Variants in SC5D observed in about 807,000 individuals in gnomAD.
SC5D encodes lathosterol oxidase.
In SC5D, 21 loss-of-function variants were observed where a neutral mutation model predicts 23.9. That is an observed-to-expected ratio of 0.88 (90% confidence interval 0.62 to 1.26). The LOEUF is 1.26. Ranked by LOEUF, SC5D falls within the 50% of genes most tolerant of loss-of-function variation. The probability of loss-of-function intolerance (pLI) is 0.00; values close to 1 mark genes in which losing one functional copy is unlikely to be tolerated. For missense variants in SC5D, 309 were observed against 364.8 expected, an observed-to-expected ratio of 0.85 and a Z score of 1.25; for synonymous variants, 113 against 125.9, an observed-to-expected ratio of 0.90 and a Z score of 0.68.
chr11:121,300,388 T>A (rs907212279), intron 1 of SC5D, among the ~76,000 whole-genome samples: 1 of 152,194 alleles, frequency 6.6e-6, no homozygotes, highest in African/African-American at 2.4e-5. Context: ...AGGTACAGAA[T>A]AGGTTTGCAG....
At position 121,295,606 on chromosome 11, in the gene SC5D, A is replaced by G. The variant is rs182133158; in HGVS notation, c.-11+2790A>G. ...GAGGGATGTAGCTTCTCATCCTTGT[A>G]GCTGTCTTATTTAGGAATAAAGCGG... On this transcript the variant is annotated intron_variant, in intron 1 of 4. Transcript: ENST00000264027. Among the ~76,000 whole-genome samples the G allele has an allele frequency of 6.6e-5, 10 of 152,268 alleles. No individual in the cohort carries two copies. In the East Asian group the frequency reaches 1.7e-3, roughly 26 times the overall value.
chr11:121,300,286 T>A (rs1947917720), intron 1 of SC5D, among the ~76,000 whole-genome samples: 1 of 152,238 alleles, frequency 6.6e-6, no homozygotes, highest in African/African-American at 2.4e-5. Flanking sequence ...ACATTTTCCG[T>A]CCTTTACCAT....
Position 121,306,457 on chromosome 11 carries a change from AG to A in SC5D, c.416del (p.Arg139LysfsTer57), listed in dbSNP as rs746204174. 6.4e-7 allele frequency: 1 copy of A among 1,567,276 alleles called. No individual in the cohort carries two copies. The highest frequency in any genetic ancestry group is 8.8e-7 in the Non-Finnish European group (1 of 1,137,338). On this transcript the variant is annotated frameshift_variant, in exon 4 of 5. Transcript: ENST00000264027. LOFTEE classifies it high-confidence loss of function. Reference protein sequence around the residue: ...FTDMFIYWIHRGLHHRLVYKR... With the variant: ...FTDMFIYWIHXGLHHRLVYKR... ...TGACATGTTCATCTACTGGATTCAC[AG>A]AGGCCTTCATCATAGACTGGTATAT...
intron 1 of SC5D, among the ~76,000 whole-genome samples, chr11:121,303,056 G>T (rs1374415123): frequency 6.6e-6 from 1 of 152,194 alleles, no homozygotes; most frequent in Non-Finnish European, 1.5e-5. Context: ...ATAGGACGCG[G>T]TAGGGAATGA....
At chr11:121,295,561 T>G (rs1326851885) in intron 1 of SC5D, among the ~76,000 whole-genome samples, 1 of 152,194 alleles carries the variant, frequency 6.6e-6, no homozygotes, top group African/African-American at 2.4e-5. Flanking sequence ...AAAGGAATTT[T>G]CTGAGGGCAA....
rs1291941115 is a variant in SC5D, at chr11:121,312,740, CTAAAAA to C, written c.*5235_*5240del. 6.6e-6 allele frequency among the ~76,000 whole-genome samples: 1 copy of C among 151,780 alleles called. No homozygotes were observed. Among genetic ancestry groups the C allele is most frequent in the Non-Finnish European group, 1.5e-5 (1 of 67,916 alleles). ...TGGGTGACAGAGCAAGACCCTATCTCTAAAAATAAAAAAGTATATATATATAAAAAT... is the reference window on the plus strand; with the variant it reads ...TGGGTGACAGAGCAAGACCCTATCTCTAAAAAAGTATATATATATAAAAAT... On this transcript the variant is annotated 3_prime_UTR_variant, in exon 5 of 5. Coordinates refer to ENST00000264027, the MANE Select transcript of SC5D (RefSeq NM_006918.5).
chr11:121,301,494 A>G (rs751983392), intron 1 of SC5D, among the ~76,000 whole-genome samples: 4 of 152,168 alleles, frequency 2.6e-5, no homozygotes, highest in Non-Finnish European at 4.4e-5. Flanking sequence ...GGACACTGTC[A>G]TGCATTTCCA....
chr11:121,307,394 A>G lies in SC5D; in HGVS notation c.782A>G (p.Glu261Gly), dbSNP rs1324083070. ...TCATTCAAAAATCCTTCATCCTTTG[A>G]GGGGAAGGGACCGCTCAGTTATGTG... is the stretch of plus-strand genomic sequence containing the variant. ...GGSFKNPSSFEGKGPLSYVKE... is the reference protein window; with the variant it reads ...GGSFKNPSSFGGKGPLSYVKE... The change falls in exon 5 of 5, where the codon GAG (glutamate) becomes GGG (glycine). Residue 261 changes from glutamate to glycine, a missense_variant. Glu to Gly is a moderately conservative substitution (Grantham distance 98). Transcript: ENST00000264027. 3 of 1,613,576 alleles carry G rather than the reference A, an allele frequency of 1.9e-6. No homozygotes were observed. The highest frequency in any genetic ancestry group is 2.5e-6 in the Non-Finnish European group (3 of 1,179,532).
intron 1 of SC5D, among the ~76,000 whole-genome samples, chr11:121,296,660 A>G (rs2050793151): frequency 6.6e-6 from 1 of 152,224 alleles, no homozygotes. Flanking sequence ...CCCTACCTTT[A>G]AGACTGATTT....
At chr11:121,295,353 A>G (rs1052426701) in intron 1 of SC5D, among the ~76,000 whole-genome samples, 1 of 152,224 alleles carries the variant, frequency 6.6e-6, no homozygotes, top group African/African-American at 2.4e-5. Context: ...GGGGGCTTCC[A>G]GGTTAGAAGC....
rs960058373 is a variant in SC5D, at chr11:121,307,415, A to G, written c.803A>G (p.Tyr268Cys). ...SSFEGKGPLS[Y>C]VKEMTEGKRS... ...TTTGAGGGGAAGGGACCGCTCAGTT[A>G]TGTGAAGGAGATGACAGAGGGAAAG... The change falls in exon 5 of 5, where the codon TAT becomes TGT. Residue 268 changes from tyrosine to cysteine, a missense_variant. Tyr to Cys is a radical substitution (Grantham distance 194). Transcript: ENST00000264027. The G allele has an allele frequency of 1.2e-6, 2 of 1,612,598 alleles. No individual in the cohort carries two copies. The highest frequency in any genetic ancestry group is 1.1e-5 in the South Asian group (1 of 90,994).
chr11:121,306,862 C>T lies in SC5D; in HGVS notation c.445-195C>T. Reference sequence around the variant, plus strand: ...ACCACTGTGCAGTATATCCATGGAACACCACTGCACTTGTACTCATAAATC... The same window carrying T: ...ACCACTGTGCAGTATATCCATGGAATACCACTGCACTTGTACTCATAAATC... On this transcript the variant is annotated intron_variant, in intron 4 of 4. Coordinates refer to ENST00000264027, the MANE Select transcript of SC5D (RefSeq NM_006918.5). The T allele has an allele frequency of 6.0e-6, 4 of 664,170 alleles. No homozygotes were observed. In the South Asian group the frequency reaches 6.8e-5, roughly 11 times the overall value. 41.1% of individuals were successfully genotyped at this position (664,170 alleles called of 1,614,324 possible). A position where few individuals can be genotyped will look rare whatever the true frequency, so the allele number is the denominator to read the frequency against.
rs1444001770 is a variant in SC5D at position 121,311,958 on chromosome 11, G to T, written c.*4446G>T. Among the ~76,000 whole-genome samples the T allele has an allele frequency of 6.6e-6, 1 of 152,198 alleles. No individual in the cohort carries two copies. The highest frequency in any genetic ancestry group is 2.4e-5 in the African/African-American group (1 of 41,450). On this transcript the variant is annotated 3_prime_UTR_variant, in exon 5 of 5. Coordinates refer to ENST00000264027, the MANE Select transcript of SC5D (RefSeq NM_006918.5). Reference sequence around the variant, plus strand: ...GTGAAAGACATTGAGGTGAAGTAGAGATAGAGGGTACACAGAAAAATCGTA... The same window carrying T: ...GTGAAAGACATTGAGGTGAAGTAGATATAGAGGGTACACAGAAAAATCGTA...
intron 1 of SC5D, among the ~76,000 whole-genome samples, chr11:121,301,614 A>T (rs866177598): frequency 4.8e-4 from 73 of 152,188 alleles, no homozygotes; most frequent in African/African-American, 1.6e-3. Flanking sequence ...ACATCCTAGA[A>T]GTTCAACAGT....
At chr11:121,297,140 C>T (rs867472335) in intron 1 of SC5D, among the ~76,000 whole-genome samples, 4 of 152,292 alleles carry the variant, frequency 2.6e-5, no homozygotes, top group Non-Finnish European at 1.5e-5. Flanking sequence ...TGTCCTACAT[C>T]GTTTGAGGAC....
intron 1 of SC5D, among the ~76,000 whole-genome samples, chr11:121,302,064 G>A (rs1947929892): frequency 6.6e-6 from 1 of 152,148 alleles, no homozygotes; most frequent in Non-Finnish European, 1.5e-5. Flanking sequence ...TTTCCTGTCA[G>A]TTTCTCATTT....
intron 1 of SC5D, among the ~76,000 whole-genome samples, chr11:121,302,183 G>C (rs1947930686): frequency 6.6e-6 from 1 of 152,270 alleles, no homozygotes; most frequent in Middle Eastern, 3.4e-3. Flanking sequence ...TTACCTGTGG[G>C]CTATTTTGTT....
In SC5D at chr11:121,308,222, T is replaced by C. The variant is rs1406758145; in HGVS notation, c.*710T>C. The C allele has an allele frequency of 4.6e-5, 7 of 152,352 alleles. No homozygotes were observed. The highest frequency in any genetic ancestry group is 6.8e-3 in the Middle Eastern group (2 of 294). 9.4% of individuals were successfully genotyped at this position (152,352 alleles called of 1,614,324 possible). A position where few individuals can be genotyped will look rare whatever the true frequency, so the allele number is the denominator to read the frequency against. ...ATGATTTAATCCAGATCTGGGATTA[T>C]GTAGCTAAACATTGTGATGATTATT... On this transcript the variant is annotated 3_prime_UTR_variant, in exon 5 of 5. Coordinates refer to ENST00000264027, the MANE Select transcript of SC5D (RefSeq NM_006918.5).
chr11:121,301,411 C>T (rs1947925196), intron 1 of SC5D, among the ~76,000 whole-genome samples: 1 of 150,482 alleles, frequency 6.6e-6, no homozygotes, highest in South Asian at 2.1e-4. Context: ...GAGCACAGAA[C>T]TGGAAGATAG....
Sources: gnomAD v4.1 joint callset for allele counts (sites outside exome capture counted in the v4.1 genomes callset) on GRCh38, gnomAD v4.1.1 for gene constraint, MANE v1.5 for transcripts, NCBI Gene and HGNC (gene_info 2026-07-23, HGNC 2026-07-21) for gene names.